Variants in SLC44A5 observed in about 807,000 individuals in gnomAD.
SLC44A5 encodes choline transporter-like protein 5.
In SLC44A5, 57 loss-of-function variants were observed where a neutral mutation model predicts 101.8. The ratio of observed to expected loss-of-function variants is 0.56; its 90% CI spans 0.45 to 0.70. SLC44A5 has a LOEUF of 0.70. Ranked by LOEUF, SLC44A5 falls within the 30% of genes least tolerant of loss-of-function variation. The pLI is 0.00. For synonymous variants in SLC44A5, 281 were observed against 290.9 expected, an observed-to-expected ratio of 0.97 and a Z score of 0.35; for missense variants, 737 against 853.1, an observed-to-expected ratio of 0.86 and a Z score of 1.70.
intron 2 of SLC44A5, among the ~76,000 whole-genome samples, chr1:75,514,627 T>C (rs1327769690): frequency 6.6e-6 from 1 of 152,232 alleles, no homozygotes; most frequent in Non-Finnish European, 1.5e-5. Flanking sequence ...ACACACATCA[T>C]AGGAAAACAC....
the SLC44A5 span, among the ~76,000 whole-genome samples, chr1:75,684,864 G>T: frequency 1.3e-5 from 2 of 152,184 alleles, no homozygotes; most frequent in Non-Finnish European, 1.5e-5. Flanking sequence ...CCATCATTAG[G>T]CAGTGCCCCA....
chr1:75,421,509 A>G (rs1379014385), intron 2 of SLC44A5, among the ~76,000 whole-genome samples: 1 of 152,154 alleles, frequency 6.6e-6, no homozygotes, highest in Non-Finnish European at 1.5e-5. Flanking sequence ...GGGATTGTCA[A>G]TGACCCACTG....
the SLC44A5 span, among the ~76,000 whole-genome samples, chr1:75,703,130 T>C: frequency 6.6e-6 from 1 of 150,814 alleles, no homozygotes. Context: ...GAACTAGAAA[T>C]ACCATTTGAC....
chr1:75,543,910 ATGAG>A (rs1671503128), intron 1 of SLC44A5, among the ~76,000 whole-genome samples: 1 of 152,006 alleles, frequency 6.6e-6, no homozygotes, highest in African/African-American at 2.4e-5. Context: ...CTATTCTGTG[ATGAG>A]TGACTCAAGC....
intron 2 of SLC44A5, among the ~76,000 whole-genome samples, chr1:75,471,663 C>T (rs1667119535): frequency 6.6e-6 from 1 of 152,092 alleles, no homozygotes; most frequent in South Asian, 2.1e-4. Flanking sequence ...TTTCCTCTCT[C>T]TGGCATTCCA....
At chr1:75,207,515 C>T (rs971539296) in intron 23 of SLC44A5, among the ~76,000 whole-genome samples, 2 of 152,090 alleles carry the variant, frequency 1.3e-5, no homozygotes, top group Non-Finnish European at 2.9e-5. Flanking sequence ...TTAAGCCTCC[C>T]GCAGATATAT....
chr1:75,426,931 C>T (rs1220326667), intron 2 of SLC44A5, among the ~76,000 whole-genome samples: 1 of 152,222 alleles, frequency 6.6e-6, no homozygotes, highest in Non-Finnish European at 1.5e-5. Context: ...GCTGGTGCAG[C>T]GGCGCTTCGC....
At chr1:75,330,104 TATACACACACAC>T (rs1430763059) in intron 4 of SLC44A5, among the ~76,000 whole-genome samples, 72 of 144,242 alleles carry the variant, frequency 5.0e-4, no homozygotes, top group Middle Eastern at 3.6e-3. Context: ...AATATATATA[TATACACACACAC>T]ACACACACAC....
chr1:75,252,501 G>T (rs534155705), intron 6 of SLC44A5, among the ~76,000 whole-genome samples: 5 of 152,280 alleles, frequency 3.3e-5, no homozygotes, highest in Non-Finnish European at 7.4e-5. Context: ...GAGTCGGCAG[G>T]ATACAACCAA....
chr1:75,527,792 T>A (rs1390794551), intron 2 of SLC44A5, among the ~76,000 whole-genome samples: 1 of 152,200 alleles, frequency 6.6e-6, no homozygotes, highest in Admixed American at 6.5e-5. Flanking sequence ...GGATTACCCT[T>A]GCTATCCATT....
the SLC44A5 span, among the ~76,000 whole-genome samples, chr1:75,639,779 T>C: frequency 6.6e-6 from 1 of 152,046 alleles, no homozygotes; most frequent in African/African-American, 2.4e-5. Context: ...GCTTGGCCCT[T>C]TATCTTTGTT....
chr1:75,289,058 C>T (rs894532615), intron 5 of SLC44A5, among the ~76,000 whole-genome samples: 1 of 152,176 alleles, frequency 6.6e-6, no homozygotes, highest in East Asian at 1.9e-4. Context: ...ATACAGGAGT[C>T]TTCCACCTCA....
chr1:75,256,872 C>A (rs1477835361), intron 6 of SLC44A5, among the ~76,000 whole-genome samples: 4 of 152,234 alleles, frequency 2.6e-5, no homozygotes, highest in East Asian at 3.9e-4. Flanking sequence ...AACTACCAAA[C>A]ATGGGTGAAG....
At chr1:75,279,865 C>T (rs924335648) in intron 5 of SLC44A5, among the ~76,000 whole-genome samples, 7 of 151,846 alleles carry the variant, frequency 4.6e-5, no homozygotes, top group African/African-American at 1.7e-4. Context: ...GAGCAGTGTA[C>T]ATTCTACCCA....
At chr1:75,493,293 T>C (rs1469166893) in intron 2 of SLC44A5, among the ~76,000 whole-genome samples, 3 of 152,166 alleles carry the variant, frequency 2.0e-5, no homozygotes, top group Non-Finnish European at 4.4e-5. Flanking sequence ...TCTGATGACT[T>C]TTTTCTCCAT....
chr1:75,475,754 T>C (rs1212737524), intron 2 of SLC44A5, among the ~76,000 whole-genome samples: 1 of 152,212 alleles, frequency 6.6e-6, no homozygotes, highest in African/African-American at 2.4e-5. Flanking sequence ...GTATATGTGT[T>C]TAAGAGTGAG....
chr1:75,339,742 G>A lies in SLC44A5; in HGVS notation c.53-112C>T, dbSNP rs1296822318. On this transcript the variant is annotated intron_variant, in intron 3 of 23. Coordinates refer to ENST00000370859, the MANE Select transcript of SLC44A5 (RefSeq NM_001130058.2). ...TTAGTCCACTGCTCAGTGCAGTGAT[G>A]AATTCATACTTTGGTTTGATGAAAC... is the stretch of plus-strand genomic sequence containing the variant. The A allele has an allele frequency of 3.7e-6, 3 of 818,146 alleles. No individual in the cohort carries two copies. The East Asian group carries it at 9.0e-5, about 25-fold the overall frequency. 50.7% of individuals were successfully genotyped at this position (818,146 alleles called of 1,614,324 possible).
At chr1:75,462,891 T>C (rs941139169) in intron 2 of SLC44A5, among the ~76,000 whole-genome samples, 3 of 151,986 alleles carry the variant, frequency 2.0e-5, no homozygotes, top group Non-Finnish European at 4.4e-5. Context: ...ACCTGCGATA[T>C]CTAGAAAATA....
the SLC44A5 span, among the ~76,000 whole-genome samples, chr1:75,659,496 GGC>G: frequency 2.1e-5 from 1 of 46,924 alleles, no homozygotes; most frequent in Non-Finnish European, 6.6e-5. Context: ...AAGGAAGGCA[GGC>G]AGGCAGGCAG....
Sources: allele counts gnomAD v4.1 joint callset (sites outside exome capture counted in the v4.1 genomes callset), GRCh38; gene constraint gnomAD v4.1.1; transcripts MANE v1.5; gene names NCBI Gene and HGNC (gene_info 2026-07-23, HGNC 2026-07-21).